DOCK10: variants seen among roughly 807,000 people sequenced by gnomAD.
DOCK10 encodes dedicator of cytokinesis 10.
DOCK10 carries 145 observed loss-of-function variants against 280.1 expected under a neutral mutation model. The observed-to-expected ratio is 0.52, with a 90% CI of 0.45 to 0.59. DOCK10 has a LOEUF of 0.59. Ranked by LOEUF, DOCK10 falls within the 20% of genes least tolerant of loss-of-function variation. The pLI is 0.00. For missense variants in DOCK10, 2,368 were observed against 2,651.7 expected, an observed-to-expected ratio of 0.89 and a Z score of 2.35; for synonymous variants, 915 against 942.2, an observed-to-expected ratio of 0.97 and a Z score of 0.53.
rs906799409 is a variant in DOCK10 at position 224,854,955 on chromosome 2, C to T, written c.1888+8G>A. ...CTCTGCAACCAAACCATGACATCAT[C>T]ATCATACTTGGATGCTCCAAGGGAA... On this transcript the variant is annotated splice_region_variant and intron_variant, in intron 16 of 55. Transcript: ENST00000258390. The T allele has an allele frequency of 2.5e-6, 4 of 1,598,574 alleles. No homozygotes were observed. Among genetic ancestry groups the T allele is most frequent in the Middle Eastern group, 1.6e-4 (1 of 6,066 alleles).
chr2:224,773,931 C>A (rs553598299), intron 52 of DOCK10, among the ~76,000 whole-genome samples: 39 of 152,224 alleles, frequency 2.6e-4, no homozygotes, highest in African/African-American at 8.9e-4. Context: ...ACCCGGCCAG[C>A]CTTTAGAATT....
intron 7 of DOCK10, among the ~76,000 whole-genome samples, chr2:224,877,535 G>A (rs2125703991): frequency 6.8e-6 from 1 of 148,006 alleles, no homozygotes; most frequent in East Asian, 2.1e-4. Flanking sequence ...AGAGGTGAAT[G>A]GATGAATAAT....
chr2:224,786,834 G>T lies in DOCK10; in HGVS notation c.5655+188C>A, dbSNP rs1691764776. Reference sequence around the variant, plus strand: ...AACCCATGGATTTCTTTGCTCACTTGTTTCCCAACTTTGTACATTCCTATG... The same window carrying T: ...AACCCATGGATTTCTTTGCTCACTTTTTTCCCAACTTTGTACATTCCTATG... On this transcript the variant is annotated intron_variant, in intron 50 of 55. Coordinates refer to ENST00000258390, the MANE Select transcript of DOCK10 (RefSeq NM_014689.3). The surrounding 1 kb of genome is among the most constrained non-coding windows in gnomAD (Gnocchi z 4.7). Among the ~76,000 whole-genome samples, 1 of 152,152 alleles carries T rather than the reference G, an allele frequency of 6.6e-6. No homozygotes were observed. The highest frequency in any genetic ancestry group is 1.5e-5 in the Non-Finnish European group (1 of 68,042).
chr2:224,908,447 G>GTA (rs1700807479), intron 3 of DOCK10, among the ~76,000 whole-genome samples: 1 of 151,186 alleles, frequency 6.6e-6, no homozygotes, highest in African/African-American at 2.4e-5. Context: ...GTGTGTGTGT[G>GTA]TGTGTACATG....
intron 26 of DOCK10, 115 bp downstream of exon 26, chr2:224,834,035 G>T (rs62186344): frequency 3.1e-6 from 2 of 649,014 alleles, no homozygotes; most frequent in East Asian, 5.4e-5. Flanking sequence ...TGAACCTTAT[G>T]CTGGAAACTG....
rs1559432420 is a variant in DOCK10 at position 224,799,203 on chromosome 2, T to G, written c.4506+948A>C. Among the ~76,000 whole-genome samples the G allele has an allele frequency of 2.0e-5, 3 of 152,258 alleles. No homozygotes were observed. The South Asian group carries it at 6.2e-4, about 31-fold the overall frequency. ...CTCCACATCCCTAGGCAACCACTGA[T>G]CTGCTTTTTGTTCCTATAGTTTGCA... On this transcript the variant is annotated intron_variant, in intron 41 of 55. Coordinates refer to ENST00000258390, the MANE Select transcript of DOCK10 (RefSeq NM_014689.3).
Position 224,804,127 on chromosome 2 carries a change from C to T in DOCK10, c.4253G>A (p.Gly1418Asp), listed in dbSNP as rs754956793. ...GTGACATTACCATTGTGACAAGAGA[C>T]CTGATGTCTGGCAGGAAGGATTGGA... ...KGSNPSCQTSGLLSQWMHSTS... is the reference protein window; with the variant it reads ...KGSNPSCQTSDLLSQWMHSTS... Residue 1418 changes from glycine (G) to aspartate (D), a missense_variant, in exon 39 of 56, where the codon GGT (glycine) becomes GAT (aspartate). By Grantham distance (94) the Gly-to-Asp change is moderately conservative (BLOSUM62 -1). Coordinates refer to ENST00000258390, the MANE Select transcript of DOCK10 (RefSeq NM_014689.3). The T allele has an allele frequency of 1.9e-6, 3 of 1,608,768 alleles. No individual in the cohort carries two copies. The African/African-American group carries it at 4.0e-5, about 22-fold the overall frequency.
intron 2 of DOCK10, among the ~76,000 whole-genome samples, chr2:224,919,773 T>C (rs1701584312): frequency 1.3e-5 from 2 of 152,028 alleles, no homozygotes; most frequent in South Asian, 4.1e-4. Flanking sequence ...AGAGGAAGAA[T>C]GCCATGTAGA....
At chr2:225,030,831 ATACAATTTG>A (rs1427221930) in intron 1 of DOCK10, among the ~76,000 whole-genome samples, 1 of 152,214 alleles carries the variant, frequency 6.6e-6, no homozygotes, top group Non-Finnish European at 1.5e-5. Context: ...TGTAAATATT[ATACAATTTG>A]TACAATTTGT....
intron 50 of DOCK10, among the ~76,000 whole-genome samples, chr2:224,780,870 A>G (rs1264313244): frequency 6.6e-6 from 1 of 151,492 alleles, no homozygotes; most frequent in Non-Finnish European, 1.5e-5. Flanking sequence ...ACTGCACTCC[A>G]GCCTGGGTGA....
chr2:224,845,114 A>G, intron 21 of DOCK10, 89 bp downstream of exon 21: 1 of 1,353,414 alleles, frequency 7.4e-7, no homozygotes, highest in South Asian at 1.4e-5. Flanking sequence ...CATGTCCACT[A>G]TGATCTTAAG....
At chr2:224,922,633 C>A (rs1321277275) in intron 2 of DOCK10, among the ~76,000 whole-genome samples, 1 of 152,196 alleles carries the variant, frequency 6.6e-6, no homozygotes, top group Non-Finnish European at 1.5e-5. Flanking sequence ...TTGTAGCCTG[C>A]AGTGGATGGT....
Position 224,804,148 on chromosome 2 carries a change from T to A in DOCK10, c.4232A>T (p.Asn1411Ile), listed in dbSNP as rs566258280. ...TQNNGTLKGS[N>I]PSCQTSGLLS... ...GAGACCTGATGTCTGGCAGGAAGGA[T>A]TGGATCCTTTGAGAGTTCCATTGTT... The change falls in exon 39 of 56, where the codon AAT (asparagine) becomes ATT (isoleucine). Residue 1411 changes from asparagine to isoleucine, a missense_variant. Asn to Ile is a moderately radical substitution (Grantham distance 149). Transcript: ENST00000258390. 1 of 1,611,842 alleles carries A rather than the reference T, an allele frequency of 6.2e-7. No homozygotes were observed. Among genetic ancestry groups the A allele is most frequent in the South Asian group, 1.1e-5 (1 of 90,974 alleles).
At chr2:224,960,010 C>A (rs1281094386) in intron 1 of DOCK10, among the ~76,000 whole-genome samples, 1 of 152,162 alleles carries the variant, frequency 6.6e-6, no homozygotes, top group Non-Finnish European at 1.5e-5. Context: ...CCTCCTCTAT[C>A]CCCTCACCTT....
intron 1 of DOCK10, among the ~76,000 whole-genome samples, chr2:224,967,225 G>T (rs1704813342): frequency 6.6e-6 from 1 of 152,058 alleles, no homozygotes. Flanking sequence ...GACTACAGGG[G>T]CCCACCACCA....
At chr2:224,771,283 T>A (rs1197533276) in intron 53 of DOCK10, among the ~76,000 whole-genome samples, 3 of 152,192 alleles carry the variant, frequency 2.0e-5, no homozygotes, top group Admixed American at 6.5e-5. Context: ...CTAGACTCAC[T>A]TCTATTAATT....
At chr2:224,768,877 T>G (rs1444420719) in intron 55 of DOCK10, 1 of 456,520 alleles carries the variant, frequency 2.2e-6, no homozygotes, top group Non-Finnish European at 4.4e-6. Context: ...CATACCACTT[T>G]TGCTTACAGT....
At chr2:224,961,435 TTTCTTTCTTTC>T (rs1704412496) in intron 1 of DOCK10, among the ~76,000 whole-genome samples, 1 of 128,842 alleles carries the variant, frequency 7.8e-6, no homozygotes, top group Non-Finnish European at 1.7e-5. Flanking sequence ...TCTTTCTTTC[TTTCTTTCTTTC>T]TTTCTTTCTT....
At chr2:224,825,603 G>C (rs947041658) in intron 27 of DOCK10, among the ~76,000 whole-genome samples, 1 of 152,196 alleles carries the variant, frequency 6.6e-6, no homozygotes, top group Non-Finnish European at 1.5e-5. Context: ...ACATGCATAT[G>C]CATGAATGCC....
Sources: gnomAD v4.1 joint callset for allele counts (sites outside exome capture counted in the v4.1 genomes callset) on GRCh38, gnomAD v4.1.1 for gene constraint, Gnocchi (gnomAD v3.1) non-coding constraint, MANE v1.5 for transcripts, NCBI Gene and HGNC (gene_info 2026-07-23, HGNC 2026-07-21) for gene names.